Variants in ZNF385D observed in about 807,000 individuals in gnomAD.
ZNF385D encodes zinc finger protein 659.
A neutral mutation model predicts 35.8 loss-of-function variants in ZNF385D; 15 were observed. The observed-to-expected ratio is 0.42, with a 90% CI of 0.28 to 0.64. ZNF385D has a LOEUF of 0.64. Among genes scored for constraint, ZNF385D ranks in the 30% least tolerant of loss-of-function variants. The probability of loss-of-function intolerance (pLI) is 0.23; values close to 1 mark genes in which losing one functional copy is unlikely to be tolerated. For missense variants in ZNF385D, 474 were observed against 494.6 expected, an observed-to-expected ratio of 0.96 and a Z score of 0.39; for synonymous variants, 212 against 186.8, an observed-to-expected ratio of 1.13 and a Z score of -1.10.
intron 2 of ZNF385D, among the ~76,000 whole-genome samples, chr3:22,208,572 T>C (rs1697308211): frequency 6.6e-6 from 1 of 151,746 alleles, no homozygotes. Context: ...TATATAATTA[T>C]ATTGTAACAA....
chr3:21,757,983 G>T (rs2070424094), intron 3 of ZNF385D, among the ~76,000 whole-genome samples: 1 of 152,254 alleles, frequency 6.6e-6, no homozygotes, highest in Non-Finnish European at 1.5e-5. Flanking sequence ...TTCCTACTGA[G>T]AATATAAAGT....
At chr3:21,581,962 A>C (rs2063681552) in intron 2 of ZNF385D, among the ~76,000 whole-genome samples, 1 of 152,152 alleles carries the variant, frequency 6.6e-6, no homozygotes, top group Non-Finnish European at 1.5e-5. Context: ...CTTAGATTAA[A>C]ATTTTTTTAC....
At chr3:21,753,995 C>T (rs1178234270), upstream of ZNF385D, among the ~76,000 whole-genome samples, 2 of 152,062 alleles carry the variant, frequency 1.3e-5, no homozygotes, top group Non-Finnish European at 2.9e-5. Flanking sequence ...CAGGTTTATC[C>T]ATATTGTCAC....
chr3:21,857,185 T>A (rs1696766156), intron 3 of ZNF385D, among the ~76,000 whole-genome samples: 1 of 152,120 alleles, frequency 6.6e-6, no homozygotes, highest in Non-Finnish European at 1.5e-5. Context: ...ATAGTATATA[T>A]TTAGTTAGGT....
At chr3:22,287,703 C>T (rs1702096151) in intron 2 of ZNF385D, among the ~76,000 whole-genome samples, 1 of 152,008 alleles carries the variant, frequency 6.6e-6, no homozygotes. Context: ...TTATAATTTG[C>T]ATCCCTCAAC....
At chr3:21,978,169 C>A (rs1345761263) in intron 3 of ZNF385D, 1 of 152,118 alleles carries the variant, frequency 6.6e-6, no homozygotes, top group East Asian at 1.9e-4. Context: ...TCTTTGAAAC[C>A]TTTTATGCTG....
At chr3:21,919,261 G>T (rs1351612160) in intron 3 of ZNF385D, among the ~76,000 whole-genome samples, 1 of 152,198 alleles carries the variant, frequency 6.6e-6, no homozygotes, top group Non-Finnish European at 1.5e-5. Flanking sequence ...GGCACTAGGA[G>T]TTCAAAGATG....
intron 3 of ZNF385D, among the ~76,000 whole-genome samples, chr3:22,035,932 T>G (rs1225645436): frequency 1.0e-5 from 1 of 100,386 alleles, no homozygotes; most frequent in South Asian, 5.4e-4. Context: ...ACTTTCACAG[T>G]TTTTTTTTCC....
intron 4 of ZNF385D, among the ~76,000 whole-genome samples, chr3:21,480,677 G>A (rs1289645914): frequency 2.6e-5 from 4 of 152,210 alleles, no homozygotes; most frequent in East Asian, 1.9e-4. Flanking sequence ...TCATTAGTAC[G>A]TTATTTGATT....
intron 2 of ZNF385D, among the ~76,000 whole-genome samples, chr3:22,333,829 G>T (rs952080403): frequency 1.3e-5 from 2 of 152,134 alleles, no homozygotes; most frequent in Non-Finnish European, 2.9e-5. Context: ...GGTGGAAGCT[G>T]GTGGATACCA....
rs993812302 is a variant in ZNF385D, at chr3:22,138,287, G to C, written c.325+30530C>G. Among the ~76,000 whole-genome samples the C allele has an allele frequency of 1.2e-4, 19 of 152,274 alleles. 1 individual carries two copies. Among genetic ancestry groups the C allele is most frequent in the Admixed American group, 9.8e-4 (15 of 15,300 alleles). On this transcript the variant is annotated intron_variant, in intron 3 of 5. Transcript: ENST00000494108. ...ATGCCATCCCCATCAAGCTACCAAT[G>C]ACTTTCTTCACAGAATTGGAAAAAA...
At chr3:21,674,233 G>A (rs1359209361) in intron 1 of ZNF385D, among the ~76,000 whole-genome samples, 1 of 152,014 alleles carries the variant, frequency 6.6e-6, no homozygotes, top group East Asian at 1.9e-4. Flanking sequence ...ACCTTTACGA[G>A]CCATTTAAGT....
intron 3 of ZNF385D, among the ~76,000 whole-genome samples, chr3:22,167,563 G>A (rs1014342445): frequency 2.0e-5 from 3 of 152,196 alleles, no homozygotes; most frequent in Admixed American, 2.0e-4. Context: ...AGAGAAGGCT[G>A]TAACATTGTG....
intron 2 of ZNF385D, among the ~76,000 whole-genome samples, chr3:22,285,656 A>G (rs142439092): frequency 3.2e-4 from 49 of 152,150 alleles, no homozygotes; most frequent in African/African-American, 1.1e-3. Flanking sequence ...AACATTAGGT[A>G]TATCTCCTAA....
intron 2 of ZNF385D, among the ~76,000 whole-genome samples, chr3:21,648,556 C>T (rs1451113052): frequency 6.6e-6 from 1 of 152,144 alleles, no homozygotes; most frequent in African/African-American, 2.4e-5. Flanking sequence ...TCACAATCTT[C>T]TCTGTAGTTT....
chr3:21,886,241 G>T (rs1195716779), intron 3 of ZNF385D, among the ~76,000 whole-genome samples: 1 of 151,980 alleles, frequency 6.6e-6, no homozygotes, highest in Non-Finnish European at 1.5e-5. Context: ...CCACCATAAA[G>T]TTAAGCCTGG....
chr3:21,885,591 G>T (rs1274426301), intron 3 of ZNF385D, among the ~76,000 whole-genome samples: 2 of 151,706 alleles, frequency 1.3e-5, no homozygotes, highest in African/African-American at 4.8e-5. Context: ...AGAATCAATT[G>T]GTTATAAGAC....
At position 22,233,637 on chromosome 3, in the gene ZNF385D, C is replaced by T. The variant is rs77624918; in HGVS notation, c.107-64602G>A. Reference sequence around the variant, plus strand: ...TATGACCCTCCAACTACATCATAACCCCCAGAATACCTGGCTTCTACCCAC... The same window carrying T: ...TATGACCCTCCAACTACATCATAACTCCCAGAATACCTGGCTTCTACCCAC... On this transcript the variant is annotated intron_variant, in intron 2 of 5. Coordinates refer to the ZNF385D transcript ENST00000494108. 5.2e-3 allele frequency among the ~76,000 whole-genome samples: 786 copies of T among 151,514 alleles called. 12 individuals carry two copies. Among genetic ancestry groups the T allele is most frequent in the African/African-American group, 0.018 (736 of 41,190 alleles).
chr3:22,107,249 C>T (rs888959289), intron 3 of ZNF385D, among the ~76,000 whole-genome samples: 2 of 151,858 alleles, frequency 1.3e-5, no homozygotes, highest in Non-Finnish European at 2.9e-5. Context: ...TCTCGAACTC[C>T]CGACCTCAGG....
Sources: allele counts gnomAD v4.1 joint callset (sites outside exome capture counted in the v4.1 genomes callset), GRCh38; gene constraint gnomAD v4.1.1; transcripts MANE v1.5; gene names NCBI Gene and HGNC (gene_info 2026-07-23, HGNC 2026-07-21).